ANKRD6: variants seen among roughly 807,000 people sequenced by gnomAD.
The protein encoded by ANKRD6 is ankyrin repeat domain 6.
A neutral mutation model predicts 82.3 loss-of-function variants in ANKRD6; 56 were observed. The ratio of observed to expected loss-of-function variants is 0.68; its 90% CI spans 0.55 to 0.85. The LOEUF (loss-of-function observed/expected upper bound fraction) is 0.85, where lower values mean the gene tolerates loss of function less well. ANKRD6 is among the 40% of genes least tolerant of loss of function. The pLI is 0.00. For synonymous variants in ANKRD6, 347 were observed against 352.1 expected (o/e 0.99, Z 0.16); for missense variants, 852 against 907.6 (o/e 0.94, Z 0.79).
At chr6:89,495,579 T>C (rs963477315) in intron 1 of ANKRD6, among the ~76,000 whole-genome samples, 1 of 152,152 alleles carries the variant, frequency 6.6e-6, no homozygotes. Context: ...CCTGCTGATG[T>C]TTCAGGTGTA....
intron 1 of ANKRD6, among the ~76,000 whole-genome samples, chr6:89,504,483 A>G (rs1464285013): frequency 6.6e-6 from 1 of 151,528 alleles, no homozygotes; most frequent in East Asian, 1.9e-4. Flanking sequence ...AGCTTATTGC[A>G]CCCTTGAACT....
chr6:89,595,554 C>T (rs1795722282), intron 2 of ANKRD6, among the ~76,000 whole-genome samples: 1 of 152,136 alleles, frequency 6.6e-6, no homozygotes, highest in African/African-American at 2.4e-5. Context: ...ACCTCTTGCC[C>T]AGGTTCATCA....
At chr6:89,597,213 C>A (rs1796105205) in intron 3 of ANKRD6, among the ~76,000 whole-genome samples, 2 of 152,264 alleles carry the variant, frequency 1.3e-5, no homozygotes, top group South Asian at 4.1e-4. Flanking sequence ...ATGTTATTTT[C>A]AAAAAATGTT....
intron 9 of ANKRD6, among the ~76,000 whole-genome samples, chr6:89,619,077 C>G (rs1243183455): frequency 6.6e-6 from 1 of 152,020 alleles, no homozygotes; most frequent in Non-Finnish European, 1.5e-5. Context: ...CCTAATATAA[C>G]TAGTAGTTTC....
chr6:89,551,163 T>C (rs1344156645), intron 1 of ANKRD6, among the ~76,000 whole-genome samples: 1 of 152,142 alleles, frequency 6.6e-6, no homozygotes, highest in Non-Finnish European at 1.5e-5. Context: ...GTCTTCTTGT[T>C]AGGAAGGGGG....
intron 1 of ANKRD6, among the ~76,000 whole-genome samples, chr6:89,557,282 A>G (rs956651589): frequency 2.6e-5 from 4 of 152,182 alleles, no homozygotes; most frequent in Non-Finnish European, 5.9e-5. Context: ...GCAGAGGAGC[A>G]TGTGAGCAGA....
rs151094178 is a variant in ANKRD6, at chr6:89,613,826, A to G, written c.551A>G (p.Tyr184Cys). 4.0e-5 allele frequency: 65 copies of G among 1,614,068 alleles called. No homozygotes were observed. In the East Asian group the frequency reaches 1.1e-3, roughly 27 times the overall value. ...GDTCLHVAAR[Y>C]NHLSIIRLLL... ...ACCTGTTTGCACGTTGCTGCGCGCT[A>G]TAATCACTTGTCCATCATTAGGCTC... Residue 184 changes from tyrosine (Y) to cysteine (C), a missense_variant, in exon 7 of 16, where the codon TAT becomes TGT. Tyr to Cys is a radical substitution (Grantham distance 194, BLOSUM62 -2). Transcript: ENST00000339746.
At chr6:89,542,163 G>A (rs1406207202) in intron 1 of ANKRD6, among the ~76,000 whole-genome samples, 1 of 152,124 alleles carries the variant, frequency 6.6e-6, no homozygotes, top group Non-Finnish European at 1.5e-5. Context: ...TGCCTGTGGT[G>A]TCATTTAACG....
intron 1 of ANKRD6, among the ~76,000 whole-genome samples, chr6:89,494,198 T>C (rs1778343993): frequency 6.6e-6 from 1 of 151,816 alleles, no homozygotes; most frequent in South Asian, 2.1e-4. Context: ...GAAAAGGCCA[T>C]GGGGGTCTGT....
At chr6:89,546,277 T>C (rs1785081945) in intron 1 of ANKRD6, among the ~76,000 whole-genome samples, 1 of 152,142 alleles carries the variant, frequency 6.6e-6, no homozygotes, top group Admixed American at 6.6e-5. Flanking sequence ...AACCATCTGG[T>C]TTATAACAGC....
At chr6:89,602,802 T>G (rs543674446) in intron 3 of ANKRD6, 2 of 526,074 alleles carry the variant, frequency 3.8e-6, no homozygotes, top group Admixed American at 3.1e-5. Flanking sequence ...GCTGTCGGCT[T>G]AAGGTCCCCC....
chr6:89,497,648 G>GTT (rs1265552436), intron 1 of ANKRD6, among the ~76,000 whole-genome samples: 1 of 151,988 alleles, frequency 6.6e-6, no homozygotes, highest in African/African-American at 2.4e-5. Context: ...CAGTGGATAT[G>GTT]TTTTTTTCTC....
At chr6:89,596,151 T>A in intron 3 of ANKRD6, 137 bp downstream of exon 3, 1 of 748,826 alleles carries the variant, frequency 1.3e-6, no homozygotes, top group South Asian at 1.7e-5. Flanking sequence ...TTGGTCTCTG[T>A]GGCAGCAAGA....
chr6:89,488,799 G>C, intron 1 of ANKRD6, among the ~76,000 whole-genome samples: 1 of 152,094 alleles, frequency 6.6e-6, no homozygotes, highest in Non-Finnish European at 1.5e-5. Flanking sequence ...TAGTGACCCA[G>C]TATGTACACA....
intron 3 of ANKRD6, among the ~76,000 whole-genome samples, chr6:89,601,048 A>G (rs1406482681): frequency 6.6e-6 from 1 of 152,174 alleles, no homozygotes; most frequent in Non-Finnish European, 1.5e-5. Context: ...AAACAAAAAC[A>G]AAAAGTTGAG....
chr6:89,494,150 T>C (rs1778337265), intron 1 of ANKRD6, among the ~76,000 whole-genome samples: 1 of 151,302 alleles, frequency 6.6e-6, no homozygotes, highest in African/African-American at 2.4e-5. Flanking sequence ...ATCCCCTCTC[T>C]ACCAAGAAAA....
At chr6:89,628,790 A>C (rs1480253185) in intron 14 of ANKRD6, 2 of 212,076 alleles carry the variant, frequency 9.4e-6, no homozygotes, top group Non-Finnish European at 1.9e-5. Context: ...ACAAACAAAC[A>C]AAAAAAAAAA....
chr6:89,444,111 G>C (rs1378672513), intron 1 of ANKRD6, among the ~76,000 whole-genome samples: 1 of 152,192 alleles, frequency 6.6e-6, no homozygotes, highest in Non-Finnish European at 1.5e-5. Flanking sequence ...GTTAATAAAA[G>C]AAAGAGCTTT....
In ANKRD6 at chr6:89,633,671, T is replaced by G. The variant is rs1807843813; in HGVS notation, c.*2667T>G. On this transcript the variant is annotated 3_prime_UTR_variant, in exon 16 of 16. Transcript: ENST00000339746. The stretch of plus-strand genomic sequence containing the variant: ...TGGGAGCCCAAAATAAAGGGAGTGT[T>G]GTTTTCATGGTTATGCCTTGTTTGT... 6.6e-6 allele frequency: 1 copy of G among 152,216 alleles called. No individual in the cohort carries two copies. Among genetic ancestry groups the G allele is most frequent in the Non-Finnish European group, 1.5e-5 (1 of 68,040 alleles). 9.4% of individuals were successfully genotyped at this position (152,216 alleles called of 1,614,324 possible). A position where few individuals can be genotyped will look rare whatever the true frequency, so the allele number is the denominator to read the frequency against.
Sources: allele counts gnomAD v4.1 joint callset (sites outside exome capture counted in the v4.1 genomes callset), GRCh38; gene constraint gnomAD v4.1.1; transcripts MANE v1.5; gene names NCBI Gene and HGNC (gene_info 2026-07-23, HGNC 2026-07-21).